ADAM17: variants seen among roughly 807,000 people sequenced by gnomAD.
ADAM17 encodes the protein disintegrin and metalloproteinase domain-containing protein 17.
ADAM17 carries 39 observed loss-of-function variants against 96.7 expected under a neutral mutation model. The ratio of observed to expected loss-of-function variants is 0.40; its 90% CI spans 0.31 to 0.53. ADAM17 has a LOEUF of 0.53. ADAM17 is among the 20% of genes least tolerant of loss of function. The pLI is 0.44. For synonymous variants in ADAM17, 344 were observed against 359.2 expected (o/e 0.96, Z 0.48); for missense variants, 777 against 1,013.2 (o/e 0.77, Z 3.17).
At position 9,534,553 on chromosome 2, in the gene ADAM17, C is replaced by A. The variant is rs71437667; in HGVS notation, c.450+1281G>T. 2.9e-3 allele frequency among the ~76,000 whole-genome samples: 442 copies of A among 151,632 alleles called. 4 individuals carry two copies. Among genetic ancestry groups the A allele is most frequent in the African/African-American group, 0.01 (422 of 41,356 alleles). Reference sequence around the variant, plus strand: ...CCGTCTCAAAAAACAAACAAACAAACAAACAAAACCCTAATTTAGATCTAT... The same window carrying A: ...CCGTCTCAAAAAACAAACAAACAAAAAAACAAAACCCTAATTTAGATCTAT... On this transcript the variant is annotated intron_variant, in intron 4 of 18. Transcript: ENST00000310823.
rs34355677 is a variant in ADAM17, at chr2:9,492,907, G to A, written c.2073C>T (p.Val691=). ...AAAGTTGATGACTTACCACACAATG[G>A]ACAAGAATGCTGAAAGGAATCCAAA... ...LIFWIPFSIL[V]HCVDKKLDKQ... The change falls in exon 17 of 19, where the codon GTC becomes GTT. Residue 691 remains valine, a synonymous_variant. Coordinates refer to ENST00000310823, the MANE Select transcript of ADAM17 (RefSeq NM_003183.6). 1.5e-4 allele frequency: 238 copies of A among 1,611,062 alleles called. 1 individual carries two copies. In the African/African-American group the frequency reaches 2.5e-3, roughly 17 times the overall value.
rs1664940775 is a variant in ADAM17 at position 9,535,862 on chromosome 2, T to C, written c.422A>G (p.Asn141Ser). ...TATGTTATATTCGGCCCCATCTGTG[T>C]TGATTCTGATTATAACATCATCATC... The part of the protein sequence containing the change: ...IRDDDVIIRI[N>S]TDGAEYNIEP... The change falls in exon 4 of 19, where the codon AAC becomes AGC. Residue 141 changes from asparagine to serine, a missense_variant. Coordinates refer to ENST00000310823, the MANE Select transcript of ADAM17 (RefSeq NM_003183.6). The C allele has an allele frequency of 1.2e-6, 2 of 1,605,144 alleles. No individual in the cohort carries two copies.
intron 4 of ADAM17, 73 bp downstream of exon 4, chr2:9,535,761 C>T: frequency 1.1e-6 from 1 of 937,942 alleles, no homozygotes; most frequent in South Asian, 1.7e-5. Flanking sequence ...TACTTTTCAC[C>T]TTTGCAGAAC....
intron 1 of ADAM17, among the ~76,000 whole-genome samples, chr2:9,552,206 T>C (rs1056160634): frequency 2.0e-5 from 3 of 152,140 alleles, no homozygotes; most frequent in African/African-American, 7.2e-5. Flanking sequence ...ATCTCACAAA[T>C]AGAAAATGGT....
chr2:9,526,217 G>A lies in ADAM17; in HGVS notation c.647C>T (p.Ala216Val). The A allele has an allele frequency of 6.2e-7, 1 of 1,613,738 alleles. No homozygotes were observed. The highest frequency in any genetic ancestry group is 1.1e-5 in the South Asian group (1 of 91,040). Residue 216 changes from alanine (A) to valine (V), a missense_variant, in exon 6 of 19, where the codon GCT (alanine) becomes GTT (valine). Transcript: ENST00000310823. Reference protein sequence around the residue: ...EELVHRVKRRADPDPMKNTCK... With the variant: ...EELVHRVKRRVDPDPMKNTCK... ...CGTGTTCTTCATGGGATCTGGGTCA[G>A]CTCTTCTTTTCACTCGATGAACAAG...
intron 8 of ADAM17, among the ~76,000 whole-genome samples, chr2:9,518,498 C>T (rs1043542931): frequency 2.0e-5 from 3 of 152,134 alleles, no homozygotes; most frequent in African/African-American, 7.2e-5. Flanking sequence ...CGGGAGCTTG[C>T]TCCAGCTCTT....
At chr2:9,548,247 G>A (rs1019131975) in intron 1 of ADAM17, among the ~76,000 whole-genome samples, 7 of 152,040 alleles carry the variant, frequency 4.6e-5, no homozygotes, top group African/African-American at 1.7e-4. Context: ...CATGAGAATC[G>A]CTTGAACCCA....
chr2:9,555,528 G>A lies in ADAM17; in HGVS notation c.78C>T (p.Phe26=). Residue 26 remains phenylalanine, a synonymous_variant, in exon 1 of 19, where the codon TTC becomes TTT. Coordinates refer to ENST00000310823, the MANE Select transcript of ADAM17 (RefSeq NM_003183.6). The stretch of plus-strand genomic sequence containing the variant: ...CTTTACCGAGTCTCTGGTGGGGGCC[G>A]AAGCCCGGGTCATCCGGAGGTCGCG... ...LAPRPPDDPG[F]GPHQRLEKLD... 1 of 1,599,852 alleles carries A rather than the reference G, an allele frequency of 6.3e-7. No individual in the cohort carries two copies. The highest frequency in any genetic ancestry group is 8.5e-7 in the Non-Finnish European group (1 of 1,173,064).
In ADAM17 at chr2:9,530,398, A is replaced by C. The variant is rs189966049; in HGVS notation, c.451-2444T>G. On this transcript the variant is annotated intron_variant, in intron 4 of 18. Coordinates refer to ENST00000310823, the MANE Select transcript of ADAM17 (RefSeq NM_003183.6). ...GCCTTGGACAAGTACCCTGAGCATA[A>C]CCTCCCTCATTAGGTAAAGTAGTGA... Among the ~76,000 whole-genome samples the C allele has an allele frequency of 6.2e-3, 945 of 152,294 alleles. 7 individuals carry two copies. The highest frequency in any genetic ancestry group is 0.021 in the African/African-American group (867 of 41,546).
chr2:9,541,787 C>G (rs1430062294), intron 2 of ADAM17, among the ~76,000 whole-genome samples: 2 of 152,084 alleles, frequency 1.3e-5, no homozygotes, highest in East Asian at 3.9e-4. Flanking sequence ...TGTCTGTAAT[C>G]CCAGCACTTT....
chr2:9,502,819 C>T (rs1663087234), intron 12 of ADAM17, among the ~76,000 whole-genome samples: 1 of 137,032 alleles, frequency 7.3e-6, no homozygotes, highest in Admixed American at 8.2e-5. Context: ...ACAGAGGTTG[C>T]AGTGAGCCGA....
At chr2:9,550,911 A>T in intron 1 of ADAM17, among the ~76,000 whole-genome samples, 1 of 150,536 alleles carries the variant, frequency 6.6e-6, no homozygotes, top group East Asian at 2.0e-4. Context: ...TACAAAAAAA[A>T]AAAAAAAAAA....
chr2:9,537,950 GAGGGGGAAGAGAGGGGAAGGGA>G (rs1665043987), intron 2 of ADAM17, among the ~76,000 whole-genome samples: 1 of 25,434 alleles, frequency 3.9e-5, no homozygotes, highest in East Asian at 9.7e-4. Context: ...AGGGGAAGGG[GAGGGGGAAGAGAGGGGAAGGGA>G]AGGGGAAGGG....
chr2:9,525,045 T>G (rs950061278), intron 6 of ADAM17, among the ~76,000 whole-genome samples: 5 of 151,954 alleles, frequency 3.3e-5, no homozygotes, highest in African/African-American at 1.2e-4. Context: ...CCCCTTAATA[T>G]AAAACCCAGA....
At chr2:9,527,446 CCAAT>C (rs1664575273) in intron 5 of ADAM17, 1 of 162,596 alleles carries the variant, frequency 6.2e-6, no homozygotes, top group African/African-American at 2.4e-5. Context: ...CCTCCTACTA[CCAAT>C]TAATTTCTTA....
At chr2:9,493,971 G>T (rs883399) in intron 15 of ADAM17, 146 bp from the exon 16 acceptor site, 1 of 612,184 alleles carries the variant, frequency 1.6e-6, no homozygotes, top group South Asian at 2.1e-5. Context: ...TAACTTCCGC[G>T]TAATGAGTAC....
intron 4 of ADAM17, among the ~76,000 whole-genome samples, chr2:9,529,447 T>C (rs1233261037): frequency 6.6e-6 from 1 of 151,652 alleles, no homozygotes; most frequent in East Asian, 1.9e-4. Flanking sequence ...CAAGACTCCA[T>C]CTCAAAAAAA....
intron 4 of ADAM17, among the ~76,000 whole-genome samples, chr2:9,531,680 C>A (rs568914393): frequency 6.6e-6 from 1 of 151,942 alleles, no homozygotes; most frequent in East Asian, 1.9e-4. Flanking sequence ...CCAGCCTGGG[C>A]GACAGAGCAA....
At chr2:9,491,958 T>C (rs959218857) in intron 17 of ADAM17, among the ~76,000 whole-genome samples, 2 of 152,214 alleles carry the variant, frequency 1.3e-5, no homozygotes, top group African/African-American at 4.8e-5. Context: ...CAGAGACATC[T>C]GTCAAAGCTT....
Sources: allele counts gnomAD v4.1 joint callset (sites outside exome capture counted in the v4.1 genomes callset), GRCh38; gene constraint gnomAD v4.1.1; transcripts MANE v1.5; gene names NCBI Gene and HGNC (gene_info 2026-07-23, HGNC 2026-07-21).